The following BBX variants were observed in gnomAD, a reference collection of about 807,000 sequenced individuals.
The protein encoded by BBX is HMG box transcription factor BBX.
A neutral mutation model predicts 100.2 loss-of-function variants in BBX; 30 were observed. The observed-to-expected ratio is 0.30, with a 90% CI of 0.22 to 0.41. BBX has a LOEUF of 0.41. Among genes scored for constraint, BBX ranks in the 10% least tolerant of loss-of-function variants. The pLI is 1.00. For synonymous variants in BBX, 376 were observed against 388.1 expected (o/e 0.97, Z 0.37); for missense variants, 1,023 against 1,129.8 (o/e 0.91, Z 1.35).
chr3:107,556,830 C>T (rs1559807714), intron 2 of BBX, among the ~76,000 whole-genome samples: 1 of 152,104 alleles, frequency 6.6e-6, no homozygotes, highest in Non-Finnish European at 1.5e-5. Context: ...CTACTTCATG[C>T]ATTTTTCTAC....
chr3:107,659,775 G>T, intron 3 of BBX: 2 of 1,272,922 alleles, frequency 1.6e-6, no homozygotes, highest in African/African-American at 1.5e-5. Context: ...TTTAACGTAA[G>T]TGTGTAGATA....
At chr3:107,726,951 A>G (rs964251822) in intron 5 of BBX, among the ~76,000 whole-genome samples, 1 of 152,060 alleles carries the variant, frequency 6.6e-6, no homozygotes, top group Non-Finnish European at 1.5e-5. Context: ...TTTCAGCACC[A>G]GCTCCCCATT....
chr3:107,623,421 A>C (rs1367073174), intron 2 of BBX, among the ~76,000 whole-genome samples: 3 of 152,146 alleles, frequency 2.0e-5, no homozygotes, highest in Non-Finnish European at 2.9e-5. Flanking sequence ...TGGTACTTCA[A>C]ATTTTGTTGT....
intron 2 of BBX, among the ~76,000 whole-genome samples, chr3:107,587,463 G>A (rs1444524448): frequency 6.6e-6 from 1 of 152,016 alleles, no homozygotes; most frequent in Non-Finnish European, 1.5e-5. Context: ...AGAAATTGCT[G>A]TTCTCACAAT....
chr3:107,733,079 T>A, intron 7 of BBX, 56 bp downstream of exon 7: 1 of 1,469,930 alleles, frequency 6.8e-7, no homozygotes, highest in Non-Finnish European at 9.4e-7. Context: ...GGGAACACAG[T>A]TATAGTCTGT....
intron 2 of BBX, among the ~76,000 whole-genome samples, chr3:107,595,580 T>A (rs150659480): frequency 6.6e-6 from 1 of 152,308 alleles, no homozygotes; most frequent in East Asian, 1.9e-4. Context: ...GGGAAGGAGA[T>A]GGATTTGACA....
chr3:107,653,259 A>G (rs190354528), intron 3 of BBX, among the ~76,000 whole-genome samples: 2 of 152,318 alleles, frequency 1.3e-5, no homozygotes, highest in East Asian at 3.9e-4. Context: ...GCTCATTTGT[A>G]GCTTACATTG....
intron 2 of BBX, among the ~76,000 whole-genome samples, chr3:107,580,312 C>CA (rs35351317): frequency 0.17 from 26,016 of 151,860 alleles, 3,015 homozygotes; most frequent in African/African-American, 0.33. Flanking sequence ...CTTGTGTGAG[C>CA]TTTTGGACAG....
rs186964523 is a variant in BBX, at chr3:107,693,223, T to C, written c.-9-17229T>C. ...TTTAATTAGATCCCATTTGACAATT[T>C]TGGCTTTTGTTGCCATTGCTGTTGG... On this transcript the variant is annotated intron_variant, in intron 3 of 17. Transcript: ENST00000325805. Among the ~76,000 whole-genome samples the C allele has an allele frequency of 6.4e-3, 977 of 151,876 alleles. 42 individuals are homozygous for C. Among genetic ancestry groups the C allele is most frequent in the African/African-American group, 0.023 (928 of 41,172 alleles).
chr3:107,712,300 C>G (rs926807324), intron 4 of BBX, among the ~76,000 whole-genome samples: 1 of 152,140 alleles, frequency 6.6e-6, no homozygotes, highest in Admixed American at 6.6e-5. Flanking sequence ...TACCTCCATC[C>G]TGGACTTTTC....
chr3:107,628,894 C>T (rs894981916), intron 2 of BBX, among the ~76,000 whole-genome samples: 1 of 152,080 alleles, frequency 6.6e-6, no homozygotes, highest in Non-Finnish European at 1.5e-5. Context: ...ATCTTTTTGC[C>T]TAGAGAAATT....
chr3:107,777,352 C>T (rs2107815879), intron 12 of BBX, among the ~76,000 whole-genome samples: 1 of 152,278 alleles, frequency 6.6e-6, no homozygotes, highest in South Asian at 2.1e-4. Context: ...TGCTTCTCAA[C>T]TCTTGTATAT....
intron 3 of BBX, among the ~76,000 whole-genome samples, chr3:107,692,565 T>C (rs991088410): frequency 2.0e-5 from 3 of 152,230 alleles, no homozygotes; most frequent in African/African-American, 7.2e-5. Context: ...CTATGGTGTA[T>C]ATGTGCCACA....
chr3:107,708,314 C>G (rs2061504235), intron 3 of BBX, among the ~76,000 whole-genome samples: 1 of 152,188 alleles, frequency 6.6e-6, no homozygotes, highest in Non-Finnish European at 1.5e-5. Context: ...GAGCTTCTTG[C>G]TAAGAATGCC....
At chr3:107,575,922 G>A (rs1198463168) in intron 2 of BBX, among the ~76,000 whole-genome samples, 1 of 152,128 alleles carries the variant, frequency 6.6e-6, no homozygotes, top group Non-Finnish European at 1.5e-5. Flanking sequence ...TGTAATCCCA[G>A]CATTTTATGA....
chr3:107,609,075 G>A (rs2054648736), intron 2 of BBX, among the ~76,000 whole-genome samples: 1 of 152,068 alleles, frequency 6.6e-6, no homozygotes, highest in Non-Finnish European at 1.5e-5. Context: ...GATTGCTCTA[G>A]CTAGGACTTC....
At chr3:107,687,384 T>C (rs1006525822) in intron 3 of BBX, among the ~76,000 whole-genome samples, 15 of 151,672 alleles carry the variant, frequency 9.9e-5, no homozygotes, top group African/African-American at 3.6e-4. Flanking sequence ...CCCGCATAGC[T>C]GATATATTGT....
At chr3:107,661,299 A>G (rs1029610383) in intron 3 of BBX, among the ~76,000 whole-genome samples, 2 of 152,168 alleles carry the variant, frequency 1.3e-5, no homozygotes, top group Admixed American at 1.3e-4. Flanking sequence ...ACTAGGGACA[A>G]TATAGGATAC....
chr3:107,672,868 A>G (rs2059089921), intron 3 of BBX, among the ~76,000 whole-genome samples: 1 of 152,096 alleles, frequency 6.6e-6, no homozygotes, highest in Non-Finnish European at 1.5e-5. Context: ...TTTTTAAAAA[A>G]TTAAATAAAC....
Sources: allele counts gnomAD v4.1 joint callset (sites outside exome capture counted in the v4.1 genomes callset), GRCh38; gene constraint gnomAD v4.1.1; transcripts MANE v1.5; gene names NCBI Gene and HGNC (gene_info 2026-07-23, HGNC 2026-07-21).